The following PCCA variants were observed in gnomAD, a reference collection of about 807,000 sequenced individuals.
PCCA encodes the protein propionyl-CoA carboxylase alpha chain, mitochondrial.
In PCCA, 74 loss-of-function variants were observed where a neutral mutation model predicts 101.3. That is an observed-to-expected ratio of 0.73 (90% CI 0.61 to 0.89). The LOEUF (loss-of-function observed/expected upper bound fraction) is 0.89. Among genes scored for constraint, PCCA ranks in the 40% least tolerant of loss-of-function variants. PCCA has a pLI of 0.00. For synonymous variants in PCCA, 294 were observed against 313.6 expected (o/e 0.94, Z 0.66); for missense variants, 891 against 907.0 (o/e 0.98, Z 0.23).
chr13:100,500,337 C>A (rs1332426079), intron 21 of PCCA, among the ~76,000 whole-genome samples: 3 of 152,070 alleles, frequency 2.0e-5, no homozygotes, highest in Admixed American at 6.5e-5. Flanking sequence ...CCAGAACTCT[C>A]CTTAAGGATA....
At chr13:100,334,775 G>A (rs2070181351) in intron 17 of PCCA, among the ~76,000 whole-genome samples, 1 of 152,114 alleles carries the variant, frequency 6.6e-6, no homozygotes, top group Non-Finnish European at 1.5e-5. Context: ...TGAGAGATAT[G>A]GAGGGAAGAT....
At chr13:100,501,087 AGCCAAGATC>A (rs1404857552) in intron 21 of PCCA, among the ~76,000 whole-genome samples, 1 of 152,186 alleles carries the variant, frequency 6.6e-6, no homozygotes, top group Non-Finnish European at 1.5e-5. Context: ...GGTTGCAGTG[AGCCAAGATC>A]GCCAAGATCA....
chr13:100,379,974 A>AT (rs1339690449), intron 19 of PCCA, among the ~76,000 whole-genome samples: 1 of 152,148 alleles, frequency 6.6e-6, no homozygotes, highest in African/African-American at 2.4e-5. Flanking sequence ...TGACAAGCTG[A>AT]TCCTAAAATT....
intron 7 of PCCA, among the ~76,000 whole-genome samples, chr13:100,233,690 T>C (rs1300692817): frequency 6.6e-6 from 1 of 152,230 alleles, no homozygotes; most frequent in Non-Finnish European, 1.5e-5. Context: ...AGGTCCTCAG[T>C]AAAGTATTTT....
chr13:100,232,068 A>C (rs1055167589), intron 7 of PCCA, among the ~76,000 whole-genome samples: 1 of 152,112 alleles, frequency 6.6e-6, no homozygotes, highest in Admixed American at 6.5e-5. Flanking sequence ...TTAAAGCTTA[A>C]TTGTCATTTG....
chr13:100,388,814 A>G (rs2152837712), intron 19 of PCCA, among the ~76,000 whole-genome samples: 1 of 152,338 alleles, frequency 6.6e-6, no homozygotes, highest in African/African-American at 2.4e-5. Flanking sequence ...AAAATAATTA[A>G]AAAGTTTTAA....
intron 1 of PCCA, among the ~76,000 whole-genome samples, chr13:100,094,140 A>T (rs982608267): frequency 6.6e-6 from 1 of 151,662 alleles, no homozygotes; most frequent in Non-Finnish European, 1.5e-5. Flanking sequence ...AGGCAGGAGA[A>T]TCACTTGAAC....
At chr13:100,286,394 C>T (rs565558827) in intron 12 of PCCA, among the ~76,000 whole-genome samples, 1 of 152,238 alleles carries the variant, frequency 6.6e-6, no homozygotes, top group South Asian at 2.1e-4. Context: ...AGAGGCTAAA[C>T]TAAATCCAAT....
chr13:100,453,388 C>T (rs908633875), intron 21 of PCCA, among the ~76,000 whole-genome samples: 34 of 151,684 alleles, frequency 2.2e-4, no homozygotes, highest in Admixed American at 6.6e-5. Flanking sequence ...GCGATCCCAG[C>T]TACTACAGGA....
intron 6 of PCCA, among the ~76,000 whole-genome samples, chr13:100,180,809 T>C (rs1469821746): frequency 6.6e-6 from 1 of 152,234 alleles, no homozygotes; most frequent in African/African-American, 2.4e-5. Flanking sequence ...ACACAAATAC[T>C]CAAATTCCAG....
chr13:100,174,782 CA>C (rs2056083174), intron 6 of PCCA, among the ~76,000 whole-genome samples: 8 of 149,728 alleles, frequency 5.3e-5, no homozygotes, highest in African/African-American at 2.0e-4. Flanking sequence ...TTTAGGTAAC[CA>C]CAGAGATAAA....
intron 21 of PCCA, among the ~76,000 whole-genome samples, chr13:100,481,596 CAGT>C (rs2083940110): frequency 6.6e-6 from 1 of 152,054 alleles, no homozygotes; most frequent in African/African-American, 2.4e-5. Context: ...GACCCCCTGA[CAGT>C]AGATCTGGTA....
chr13:100,385,489 T>C (rs994236522), intron 19 of PCCA, among the ~76,000 whole-genome samples: 1 of 152,236 alleles, frequency 6.6e-6, no homozygotes, highest in Admixed American at 6.5e-5. Flanking sequence ...GCAAAGGACA[T>C]GTGGCTCCTG....
chr13:100,374,528 A>G (rs1210999974), intron 19 of PCCA, among the ~76,000 whole-genome samples: 1 of 152,130 alleles, frequency 6.6e-6, no homozygotes, highest in Non-Finnish European at 1.5e-5. Flanking sequence ...TCAGGAGAAA[A>G]TAAGTTTATG....
At chr13:100,456,319 C>T (rs1296705400) in intron 21 of PCCA, among the ~76,000 whole-genome samples, 2 of 152,116 alleles carry the variant, frequency 1.3e-5, no homozygotes, top group African/African-American at 4.8e-5. Flanking sequence ...TGTCATTTGG[C>T]TTTTCAATAA....
intron 21 of PCCA, 67 bp downstream of exon 21, chr13:100,449,372 A>G (rs2081065422): frequency 1.2e-5 from 11 of 953,162 alleles, no homozygotes; most frequent in African/African-American, 1.6e-5. Flanking sequence ...GTTGTAGCTC[A>G]TGTGTTTGAA....
chr13:100,291,155 G>A (rs2152657496), intron 12 of PCCA, among the ~76,000 whole-genome samples: 1 of 152,286 alleles, frequency 6.6e-6, no homozygotes, highest in South Asian at 2.1e-4. Context: ...GCTCATGCCT[G>A]TAATCCCAGC....
chr13:100,187,584 CAG>C (rs1454826720), intron 6 of PCCA, among the ~76,000 whole-genome samples: 3 of 152,064 alleles, frequency 2.0e-5, no homozygotes, highest in African/African-American at 4.8e-5. Context: ...TAGAGTCAAA[CAG>C]TGTTTTTATA....
intron 6 of PCCA, among the ~76,000 whole-genome samples, chr13:100,166,458 C>A (rs765888669): frequency 2.2e-4 from 33 of 152,042 alleles, no homozygotes; most frequent in African/African-American, 8.0e-4. Flanking sequence ...ACCACCATGC[C>A]CAGCTAATTT....
Sources: allele counts gnomAD v4.1 joint callset (sites outside exome capture counted in the v4.1 genomes callset), GRCh38; gene constraint gnomAD v4.1.1; transcripts MANE v1.5; gene names NCBI Gene and HGNC (gene_info 2026-07-23, HGNC 2026-07-21).